SNTB2: variants seen among roughly 807,000 people sequenced by gnomAD.
SNTB2 encodes beta-2-syntrophin.
A neutral mutation model predicts 46.2 loss-of-function variants in SNTB2; 34 were observed. That is an observed-to-expected ratio of 0.74 (90% CI 0.56 to 0.98). SNTB2 has a LOEUF of 0.98. Among genes scored for constraint, SNTB2 ranks in the 50% least tolerant of loss-of-function variants. The pLI is 0.00. For missense variants in SNTB2, 603 were observed against 731.4 expected (o/e 0.82, Z 2.02); for synonymous variants, 290 against 312.6 (o/e 0.93, Z 0.76).
intron 3 of SNTB2, among the ~76,000 whole-genome samples, chr16:69,261,394 G>A (rs76476216): frequency 0.02 from 2,964 of 151,556 alleles, 26 homozygotes; most frequent in Non-Finnish European, 0.026. Flanking sequence ...TCTGTGGGTG[G>A]TGCCTGGTGA....
intron 4 of SNTB2, among the ~76,000 whole-genome samples, chr16:69,270,976 A>G (rs1964932130): frequency 6.6e-6 from 1 of 152,224 alleles, no homozygotes; most frequent in Admixed American, 6.5e-5. Context: ...GAAGAGCGCC[A>G]TGGAAAAGTA....
chr16:69,271,423 A>G (rs117945201), intron 4 of SNTB2, among the ~76,000 whole-genome samples: 434 of 152,294 alleles, frequency 2.8e-3, no homozygotes, highest in Non-Finnish European at 3.6e-3. Context: ...TGGTTTTTTA[A>G]ATCCCCACTA....
chr16:69,210,196 A>G (rs746237594), intron 1 of SNTB2, among the ~76,000 whole-genome samples: 5 of 150,572 alleles, frequency 3.3e-5, no homozygotes, highest in Non-Finnish European at 7.4e-5. Flanking sequence ...CTAACTTTGT[A>G]TTTTTAGTAG....
chr16:69,204,300 G>A (rs1224648055), intron 1 of SNTB2, among the ~76,000 whole-genome samples: 1 of 152,190 alleles, frequency 6.6e-6, no homozygotes, highest in African/African-American at 2.4e-5. Context: ...GAACAGCACT[G>A]CTGCTCAGCT....
chr16:69,292,354 T>TTATATA (rs1166147915), intron 5 of SNTB2, among the ~76,000 whole-genome samples: 3 of 36,298 alleles, frequency 8.3e-5, no homozygotes, highest in Non-Finnish European at 1.4e-4. Context: ...ACCTTATTTT[T>TTATATA]TATATATATA....
At chr16:69,235,862 C>G (rs1597182104) in intron 1 of SNTB2, 1 of 1,288,566 alleles carries the variant, frequency 7.8e-7, no homozygotes, top group Non-Finnish European at 1.0e-6. Flanking sequence ...GCTACCACTT[C>G]TACAACTGTT....
intron 4 of SNTB2, among the ~76,000 whole-genome samples, chr16:69,274,830 T>TA (rs1189331957): frequency 3.3e-5 from 5 of 152,138 alleles, no homozygotes; most frequent in African/African-American, 4.8e-5. Context: ...AGCAGTTTTT[T>TA]GATCTGCCAC....
In SNTB2 at chr16:69,300,988, A is replaced by AC. The variant is rs1965273825; in HGVS notation, c.*64_*65insC. ...AAATATTTCCACCTCAAAAAAAAAA[A>AC]AGCACAAAAAGAAACTCTTTGCTCT... On this transcript the variant is annotated 3_prime_UTR_variant, in exon 7 of 7. Transcript: ENST00000336278. 9.3e-7 allele frequency: 1 copy of AC among 1,069,678 alleles called. No homozygotes were observed. The highest frequency in any genetic ancestry group is 1.4e-6 in the Non-Finnish European group (1 of 709,896). The allele number at this position is 1,069,678 out of a possible 1,614,324, so 66.3% of individuals were successfully genotyped here.
chr16:69,196,757 A>T (rs964898678), intron 1 of SNTB2, among the ~76,000 whole-genome samples: 2 of 152,142 alleles, frequency 1.3e-5, no homozygotes, highest in Admixed American at 6.5e-5. Flanking sequence ...GGAAGATTAA[A>T]CAGTCAGTGC....
At chr16:69,245,912 GA>G in intron 2 of SNTB2, 97 bp downstream of exon 2, 1 of 1,222,710 alleles carries the variant, frequency 8.2e-7, no homozygotes, top group Non-Finnish European at 1.2e-6. Flanking sequence ...TTATACAGAG[GA>G]AAACATCTGT....
Position 69,303,722 on chromosome 16 carries a change from G to C in SNTB2, c.*2798G>C, listed in dbSNP as rs1176805281. The stretch of plus-strand genomic sequence containing the variant: ...ATCAAATGTGTTTGTGGGATTTTCA[G>C]TCCGCAAATGAAGTGCTCTCTAATG... On this transcript the variant is annotated 3_prime_UTR_variant, in exon 7 of 7. Transcript: ENST00000336278. 1 of 152,594 alleles carries C rather than the reference G, an allele frequency of 6.6e-6. No homozygotes were observed. The highest frequency in any genetic ancestry group is 6.5e-5 in the Admixed American group (1 of 15,274). The allele number at this position is 152,594 out of a possible 1,614,324, so 9.5% of individuals were successfully genotyped here. A position where few individuals can be genotyped will look rare whatever the true frequency, so the allele number is the denominator to read the frequency against.
At chr16:69,292,433 TATTA>T (rs1965181505) in intron 5 of SNTB2, among the ~76,000 whole-genome samples, 3 of 13,680 alleles carry the variant, frequency 2.2e-4, no homozygotes, top group Admixed American at 1.3e-3. Flanking sequence ...TATATATATA[TATTA>T]TATATATATA....
chr16:69,300,363 GCCTCAGC>G (rs1217610404), intron 6 of SNTB2, among the ~76,000 whole-genome samples: 1 of 151,568 alleles, frequency 6.6e-6, no homozygotes, highest in Non-Finnish European at 1.5e-5. Context: ...CAATTCTGCT[GCCTCAGC>G]CTCCCGAGTA....
intron 3 of SNTB2, among the ~76,000 whole-genome samples, chr16:69,268,960 A>G (rs1275534568): frequency 6.6e-6 from 1 of 151,664 alleles, no homozygotes; most frequent in African/African-American, 2.4e-5. Flanking sequence ...ATCTAAGATC[A>G]GGAGTTTGAG....
At chr16:69,236,927 T>A (rs775168201) in intron 1 of SNTB2, among the ~76,000 whole-genome samples, 7 of 152,166 alleles carry the variant, frequency 4.6e-5, no homozygotes, top group Non-Finnish European at 1.0e-4. Context: ...CAGAAGAGTG[T>A]GCTTCACACC....
At chr16:69,203,652 A>G (rs1339177962) in intron 1 of SNTB2, among the ~76,000 whole-genome samples, 1 of 152,088 alleles carries the variant, frequency 6.6e-6, no homozygotes, top group Non-Finnish European at 1.5e-5. Context: ...GAATTTTTAC[A>G]GATAGTATTA....
intron 5 of SNTB2, among the ~76,000 whole-genome samples, chr16:69,292,446 T>A (rs1219436749): frequency 9.8e-5 from 9 of 91,434 alleles, no homozygotes; most frequent in South Asian, 6.3e-4. Context: ...TATATATATA[T>A]AATTTTTTTT....
chr16:69,261,581 A>C (rs565467966), intron 3 of SNTB2, among the ~76,000 whole-genome samples: 1 of 152,314 alleles, frequency 6.6e-6, no homozygotes, highest in South Asian at 2.1e-4. Context: ...GCATAATTAG[A>C]ATAAAAAATT....
intron 5 of SNTB2, among the ~76,000 whole-genome samples, chr16:69,289,484 A>G (rs12933378): frequency 0.15 from 22,124 of 152,086 alleles, 1,795 homozygotes; most frequent in Middle Eastern, 0.23. Context: ...AAATAGAAGA[A>G]AGGACTTAAA....
Sources: gnomAD v4.1 joint callset for allele counts (sites outside exome capture counted in the v4.1 genomes callset) on GRCh38, gnomAD v4.1.1 for gene constraint, MANE v1.5 for transcripts, NCBI Gene and HGNC (gene_info 2026-07-23, HGNC 2026-07-21) for gene names.